EXOC4: variants seen among roughly 807,000 people sequenced by gnomAD.
EXOC4 encodes the protein SEC8-like 1.
Under a neutral mutation model 107.2 loss-of-function variants are expected in EXOC4, and 71 were observed. The ratio of observed to expected loss-of-function variants is 0.66; its 90% CI spans 0.55 to 0.81. EXOC4 has a LOEUF of 0.81. Among genes scored for constraint, EXOC4 ranks in the 30% least tolerant of loss-of-function variants. The pLI is 0.00. For missense variants in EXOC4, 1,108 were observed against 1,189.6 expected (o/e 0.93, Z 1.01); for synonymous variants, 456 against 441.2 (o/e 1.03, Z -0.42).
At chr7:133,955,743 C>T (rs1426045762) in intron 14 of EXOC4, among the ~76,000 whole-genome samples, 1 of 152,232 alleles carries the variant, frequency 6.6e-6, no homozygotes. Flanking sequence ...CCTCAGCACC[C>T]CATCTGCCTC....
chr7:133,856,753 C>T (rs1798381290), intron 11 of EXOC4, among the ~76,000 whole-genome samples: 1 of 151,922 alleles, frequency 6.6e-6, no homozygotes, highest in Non-Finnish European at 1.5e-5. Context: ...GCCTCTTGGG[C>T]CCTACTTGAT....
At chr7:133,654,415 G>T (rs779529228) in intron 10 of EXOC4, among the ~76,000 whole-genome samples, 2 of 152,126 alleles carry the variant, frequency 1.3e-5, no homozygotes, top group African/African-American at 4.8e-5. Context: ...AAGATGAGCC[G>T]TTATACCTAA....
At chr7:133,330,983 A>G (rs1272306511) in intron 5 of EXOC4, among the ~76,000 whole-genome samples, 1 of 151,744 alleles carries the variant, frequency 6.6e-6, no homozygotes, top group East Asian at 1.9e-4. Flanking sequence ...TAGTTTGCAA[A>G]ATATATCATT....
intron 9 of EXOC4, among the ~76,000 whole-genome samples, chr7:133,620,643 G>T (rs1802307762): frequency 6.6e-6 from 1 of 152,172 alleles, no homozygotes; most frequent in South Asian, 2.1e-4. Flanking sequence ...ATGAAGTACT[G>T]ATTCCTGCTA....
At chr7:133,482,547 T>A (rs1242008808) in intron 9 of EXOC4, among the ~76,000 whole-genome samples, 5 of 152,106 alleles carry the variant, frequency 3.3e-5, no homozygotes, top group African/African-American at 1.2e-4. Context: ...TGAGAGACAG[T>A]ATAGGGTGGC....
rs188769878 is a variant in EXOC4, at chr7:133,865,958, T to G, written c.1735-29641T>G. Reference sequence around the variant, plus strand: ...GGAGACATCTGTTTTGCTATGCATATTTTCTTAATAAAGATTATAGTCATT... The same window carrying G: ...GGAGACATCTGTTTTGCTATGCATAGTTTCTTAATAAAGATTATAGTCATT... On this transcript the variant is annotated intron_variant, in intron 11 of 17. Transcript: ENST00000253861. Among the ~76,000 whole-genome samples, 71 of 152,302 alleles carry G rather than the reference T, an allele frequency of 4.7e-4. 1 individual carries two copies. The highest frequency in any genetic ancestry group is 3.1e-3 in the Admixed American group (48 of 15,292).
At chr7:133,259,013 G>A (rs1297894036) in intron 1 of EXOC4, among the ~76,000 whole-genome samples, 2 of 151,986 alleles carry the variant, frequency 1.3e-5, no homozygotes, top group Non-Finnish European at 2.9e-5. Flanking sequence ...ACAATATTGT[G>A]TATTGTACAA....
At chr7:133,393,326 A>C (rs1161540287) in intron 7 of EXOC4, among the ~76,000 whole-genome samples, 1 of 152,130 alleles carries the variant, frequency 6.6e-6, no homozygotes, top group African/African-American at 2.4e-5. Context: ...TCTCACAACT[A>C]GTCTTTAAGC....
At chr7:133,966,857 G>T (rs935589088) in intron 14 of EXOC4, among the ~76,000 whole-genome samples, 4 of 152,192 alleles carry the variant, frequency 2.6e-5, no homozygotes, top group African/African-American at 9.7e-5. Context: ...GGTTAGGGAG[G>T]AGTCCCTCTT....
At chr7:133,991,641 T>C (rs1018428067) in intron 14 of EXOC4, among the ~76,000 whole-genome samples, 3 of 152,190 alleles carry the variant, frequency 2.0e-5, no homozygotes, top group Non-Finnish European at 4.4e-5. Flanking sequence ...AGTTAAAAAA[T>C]GAGCATCTAG....
chr7:133,981,556 C>T (rs1418450293), intron 14 of EXOC4, among the ~76,000 whole-genome samples: 1 of 151,940 alleles, frequency 6.6e-6, no homozygotes, highest in African/African-American at 2.4e-5. Context: ...GAGATACCAT[C>T]TCACACCAGT....
At chr7:133,652,958 T>C (rs943326736) in intron 10 of EXOC4, among the ~76,000 whole-genome samples, 2 of 152,164 alleles carry the variant, frequency 1.3e-5, no homozygotes, top group African/African-American at 2.4e-5. Context: ...CTTTAGGACA[T>C]AGGAATTGTA....
chr7:133,585,363 G>A (rs2432637), intron 9 of EXOC4, among the ~76,000 whole-genome samples: 35,125 of 151,992 alleles, frequency 0.23, 4,775 homozygotes, highest in African/African-American at 0.36. Context: ...TTCTGATCTC[G>A]GTCCCTTTTG....
chr7:133,748,678 C>T (rs543232132), intron 10 of EXOC4, among the ~76,000 whole-genome samples: 1 of 152,158 alleles, frequency 6.6e-6, no homozygotes, highest in Non-Finnish European at 1.5e-5. Flanking sequence ...TCTCCCTTCC[C>T]TGAGAGGGTC....
At chr7:133,669,249 G>A (rs922485080) in intron 10 of EXOC4, among the ~76,000 whole-genome samples, 1 of 152,088 alleles carries the variant, frequency 6.6e-6, no homozygotes, top group African/African-American at 2.4e-5. Flanking sequence ...ACAGTGGTGA[G>A]AGGAGGAGCC....
At chr7:134,015,741 G>A (rs1563092419) in intron 17 of EXOC4, among the ~76,000 whole-genome samples, 1 of 152,050 alleles carries the variant, frequency 6.6e-6, no homozygotes, top group Non-Finnish European at 1.5e-5. Context: ...CAGGTGTGGT[G>A]GCACGTGCCT....
intron 10 of EXOC4, among the ~76,000 whole-genome samples, chr7:133,770,672 G>A (rs148894091): frequency 9.2e-5 from 14 of 151,930 alleles, no homozygotes; most frequent in African/African-American, 3.4e-4. Flanking sequence ...CTTACAAATT[G>A]TACATAATCC....
intron 10 of EXOC4, among the ~76,000 whole-genome samples, chr7:133,641,981 G>A (rs900621187): frequency 5.3e-5 from 8 of 152,128 alleles, no homozygotes; most frequent in East Asian, 1.9e-4. Flanking sequence ...TTCTCTGAAC[G>A]TTGGAGGTCT....
At chr7:133,488,690 G>A (rs1430620116) in intron 9 of EXOC4, among the ~76,000 whole-genome samples, 2 of 152,080 alleles carry the variant, frequency 1.3e-5, no homozygotes, top group East Asian at 3.8e-4. Context: ...TATTCAGAAT[G>A]TTCATAGCAA....
Sources: allele counts gnomAD v4.1 joint callset (sites outside exome capture counted in the v4.1 genomes callset), GRCh38; gene constraint gnomAD v4.1.1; transcripts MANE v1.5; gene names NCBI Gene and HGNC (gene_info 2026-07-23, HGNC 2026-07-21).